WDFY4: variants seen among roughly 807,000 people sequenced by gnomAD.
WDFY4 encodes WD repeat- and FYVE domain-containing protein 4.
Under a neutral mutation model 351.9 loss-of-function variants are expected in WDFY4, and 169 were observed. That is an observed-to-expected ratio of 0.48 (90% confidence interval 0.42 to 0.55). The LOEUF is 0.55. WDFY4 is among the 20% of genes least tolerant of loss of function. The pLI, the probability that WDFY4 is intolerant of heterozygous loss-of-function variation, is 0.00. For missense variants in WDFY4, 3,803 were observed against 3,935.6 expected, an observed-to-expected ratio of 0.97 and a Z score of 0.90; for synonymous variants, 1,622 against 1,574.6, an observed-to-expected ratio of 1.03 and a Z score of -0.71.
chr10:48,836,212 G>A (rs1388491842), intron 39 of WDFY4, among the ~76,000 whole-genome samples: 1 of 152,234 alleles, frequency 6.6e-6, no homozygotes, highest in African/African-American at 2.4e-5. Flanking sequence ...TTACACCTCA[G>A]TGAGCAATGT....
At chr10:48,922,874 G>T (rs1306066093) in intron 47 of WDFY4, among the ~76,000 whole-genome samples, 2 of 152,160 alleles carry the variant, frequency 1.3e-5, no homozygotes, top group African/African-American at 4.8e-5. Flanking sequence ...TGGTTGCAGG[G>T]ATTAGGGGTT....
At chr10:48,768,615 G>T (rs73308061) in intron 13 of WDFY4, among the ~76,000 whole-genome samples, 29 of 152,180 alleles carry the variant, frequency 1.9e-4, no homozygotes, top group African/African-American at 7.0e-4. Context: ...GTGCTTACTA[G>T]GCGGCTATTC....
chr10:48,913,773 A>G, intron 47 of WDFY4: 1 of 1,614,074 alleles, frequency 6.2e-7, no homozygotes, highest in Admixed American at 1.7e-5. Flanking sequence ...GTTCAAGCCT[A>G]GGTTCACAGC....
rs142083578 is a variant in WDFY4, at chr10:48,749,460, A to G, written c.2459+5912A>G. On this transcript the variant is annotated intron_variant, in intron 12 of 61. Coordinates refer to ENST00000325239, the MANE Select transcript of WDFY4 (RefSeq NM_001394531.1). ...CAGCACCTAGCACATACACATGAAT[A>G]CACACCACACATACCACCTACATAT... Among the ~76,000 whole-genome samples, 940 of 152,174 alleles carry G rather than the reference A, an allele frequency of 6.2e-3. 5 individuals carry two copies. Among genetic ancestry groups the G allele is most frequent in the South Asian group, 0.016 (75 of 4,818 alleles).
chr10:48,800,173 C>T (rs895091166), intron 24 of WDFY4, among the ~76,000 whole-genome samples: 12 of 152,196 alleles, frequency 7.9e-5, no homozygotes, highest in East Asian at 1.9e-4. Flanking sequence ...CGTGAGCCAC[C>T]GCGCCCAGCC....
At chr10:48,819,765 A>G (rs926352080) in intron 32 of WDFY4, among the ~76,000 whole-genome samples, 2 of 152,194 alleles carry the variant, frequency 1.3e-5, no homozygotes, top group African/African-American at 2.4e-5. Flanking sequence ...ATCAGCAGAG[A>G]CTGGGCAGGA....
At chr10:48,766,711 T>G (rs926224456) in intron 13 of WDFY4, among the ~76,000 whole-genome samples, 2 of 152,248 alleles carry the variant, frequency 1.3e-5, no homozygotes, top group Non-Finnish European at 2.9e-5. Flanking sequence ...TAAAGTCAGA[T>G]GGATTCAGCC....
chr10:48,795,822 G>C (rs2066855366), intron 23 of WDFY4, among the ~76,000 whole-genome samples: 1 of 151,972 alleles, frequency 6.6e-6, no homozygotes, highest in Non-Finnish European at 1.5e-5. Context: ...AGACAAGCTG[G>C]GTCACCAAAT....
intron 57 of WDFY4, among the ~76,000 whole-genome samples, chr10:48,971,646 C>T (rs1281481120): frequency 1.3e-5 from 2 of 152,216 alleles, no homozygotes; most frequent in Non-Finnish European, 2.9e-5. Flanking sequence ...TTCTGTCACC[C>T]TAGACCGTGT....
At position 48,966,575 on chromosome 10, in the gene WDFY4, C is replaced by T; in HGVS notation, c.8486C>T (p.Pro2829Leu). Reference sequence around the variant, plus strand: ...AGGACTGCAGCAGGGAAGCCTCTGCCTGGAAAGGATGTCTCCACCCCCGTG... The same window carrying T: ...AGGACTGCAGCAGGGAAGCCTCTGCTTGGAAAGGATGTCTCCACCCCCGTG... ...PARTAAGKPL[P>L]GKDVSTPVSL... Residue 2829 changes from proline (P) to leucine (L), a missense_variant, in exon 55 of 62, where the codon CCT becomes CTT. This residue lies in a region of WDFY4 where 3,054 missense variants were observed against 3,148.6 expected (regional missense o/e 0.97). Coordinates refer to ENST00000325239, the MANE Select transcript of WDFY4 (RefSeq NM_001394531.1). 1 of 1,552,162 alleles carries T rather than the reference C, an allele frequency of 6.4e-7. No individual in the cohort carries two copies. Among genetic ancestry groups the T allele is most frequent in the Non-Finnish European group, 8.7e-7 (1 of 1,147,082 alleles).
intron 32 of WDFY4, among the ~76,000 whole-genome samples, chr10:48,819,452 A>G (rs2067736834): frequency 6.6e-6 from 1 of 152,132 alleles, no homozygotes; most frequent in South Asian, 2.1e-4. Context: ...CTTAATTAAG[A>G]ACGGCCGCAT....
chr10:48,943,248 G>T, intron 48 of WDFY4, 82 bp from the exon 49 acceptor site: 6 of 1,493,118 alleles, frequency 4.0e-6, no homozygotes, highest in Non-Finnish European at 5.4e-6. Context: ...AGGGCCTGCT[G>T]CCGAGGCCTG....
intron 40 of WDFY4, among the ~76,000 whole-genome samples, chr10:48,872,936 C>T (rs1437561964): frequency 6.6e-6 from 1 of 152,210 alleles, no homozygotes; most frequent in Non-Finnish European, 1.5e-5. Context: ...CAGGCCAGGT[C>T]TGTCATTTCG....
chr10:48,949,358 C>T (rs542349553), intron 51 of WDFY4, among the ~76,000 whole-genome samples: 86 of 152,290 alleles, frequency 5.6e-4, no homozygotes, highest in African/African-American at 1.7e-3. Flanking sequence ...TTTTAGCTCT[C>T]GAGAGGATGA....
At chr10:48,890,786 C>T (rs952067832) in intron 44 of WDFY4, 59 bp downstream of exon 44, 17 of 1,543,662 alleles carry the variant, frequency 1.1e-5, no homozygotes, top group East Asian at 4.9e-5. Context: ...CCTTACCAGC[C>T]GCCCCCACTA....
At chr10:48,977,353 C>T (rs1301879245) in intron 59 of WDFY4, among the ~76,000 whole-genome samples, 1 of 152,096 alleles carries the variant, frequency 6.6e-6, no homozygotes, top group African/African-American at 2.4e-5. Context: ...ATCTACCCAC[C>T]TACCCATTTA....
At chr10:48,862,316 C>A (rs1297699277) in intron 39 of WDFY4, among the ~76,000 whole-genome samples, 1 of 152,160 alleles carries the variant, frequency 6.6e-6, no homozygotes, top group Non-Finnish European at 1.5e-5. Context: ...ATACAATTCA[C>A]CTATTTAAAG....
intron 55 of WDFY4, 103 bp from the exon 56 acceptor site, chr10:48,968,961 A>C (rs1842212927): frequency 8.2e-7 from 1 of 1,217,370 alleles, no homozygotes; most frequent in African/African-American, 1.5e-5. Flanking sequence ...TTCCATGCTT[A>C]AGTTCAAGTC....
At chr10:48,914,155 T>A in intron 47 of WDFY4, 4 of 1,611,200 alleles carry the variant, frequency 2.5e-6, no homozygotes, top group Non-Finnish European at 3.4e-6. Context: ...CCCTTAACCA[T>A]GTTCTTTTAG....
Sources: gnomAD v4.1 joint callset for allele counts (sites outside exome capture counted in the v4.1 genomes callset) on GRCh38, gnomAD v4.1.1 for gene constraint, gnomAD v4.1.1 regional missense constraint, MANE v1.5 for transcripts, NCBI Gene and HGNC (gene_info 2026-07-23, HGNC 2026-07-21) for gene names.